The following SDK1 variants were observed in gnomAD, a reference collection of about 807,000 sequenced individuals.
SDK1 encodes the protein sidekick cell adhesion molecule 1, also known as protein sidekick-1.
In SDK1, 157 loss-of-function variants were observed where a neutral mutation model predicts 245.5. The observed-to-expected ratio is 0.64, with a 90% CI of 0.56 to 0.73. The LOEUF is 0.73. Ranked by LOEUF, SDK1 falls within the 30% of genes least tolerant of loss-of-function variation. The pLI is 0.00. For missense variants in SDK1, 3,583 were observed against 3,002.3 expected (o/e 1.19, Z -4.52); for synonymous variants, 1,647 against 1,278.5 (o/e 1.29, Z -6.15).
rs1300194675 is a variant in SDK1, at chr7:4,011,118, G to T, written c.2279+5G>T. 3 of 1,613,100 alleles carry T rather than the reference G, an allele frequency of 1.9e-6. No individual in the cohort carries two copies. The highest frequency in any genetic ancestry group is 1.3e-5 in the African/African-American group (1 of 75,052). The stretch of plus-strand genomic sequence containing the variant: ...GTACAGCGCCGAGACAAGCAGGTGC[G>T]TGAATCCCGCCCCAGGTGGGGGTGT... On this transcript the variant is annotated splice_donor_5th_base_variant and intron_variant, in intron 15 of 44. Coordinates refer to ENST00000404826, the MANE Select transcript of SDK1 (RefSeq NM_152744.4).
At chr7:3,629,563 T>C (rs889100103) in intron 2 of SDK1, among the ~76,000 whole-genome samples, 1 of 152,204 alleles carries the variant, frequency 6.6e-6, no homozygotes, top group African/African-American at 2.4e-5. Flanking sequence ...TCAGATAGCC[T>C]GCACAGAGGT....
chr7:3,897,010 A>G (rs1300555679), intron 5 of SDK1, among the ~76,000 whole-genome samples: 2 of 152,096 alleles, frequency 1.3e-5, no homozygotes, highest in Non-Finnish European at 2.9e-5. Flanking sequence ...GCATCAGGAG[A>G]GAGAGAGCAG....
intron 44 of SDK1, among the ~76,000 whole-genome samples, chr7:4,254,143 T>C (rs1215243119): frequency 6.6e-6 from 1 of 152,152 alleles, no homozygotes. Flanking sequence ...TAATGATTTT[T>C]ATCAAATTTG....
chr7:3,432,467 A>G (rs1779882102), intron 1 of SDK1, among the ~76,000 whole-genome samples: 1 of 152,170 alleles, frequency 6.6e-6, no homozygotes. Context: ...CTAAAAGCTA[A>G]CATGTAAACA....
intron 5 of SDK1, among the ~76,000 whole-genome samples, chr7:3,909,796 G>T (rs1779097707): frequency 6.6e-6 from 1 of 152,202 alleles, no homozygotes; most frequent in Non-Finnish European, 1.5e-5. Flanking sequence ...TGCATAGCGT[G>T]CTTGCCTAAA....
At chr7:3,866,864 C>T (rs1309656879) in intron 5 of SDK1, among the ~76,000 whole-genome samples, 2 of 152,138 alleles carry the variant, frequency 1.3e-5, no homozygotes, top group East Asian at 3.9e-4. Context: ...AGAGTTTGAC[C>T]TTGAACCCAT....
chr7:3,771,230 G>A (rs558646187), intron 4 of SDK1, among the ~76,000 whole-genome samples: 86 of 152,200 alleles, frequency 5.7e-4, no homozygotes, highest in African/African-American at 2.0e-3. Context: ...CATGATGGTT[G>A]CAGGGATCCA....
chr7:3,458,440 G>A lies in SDK1; in HGVS notation c.298+156556G>A, dbSNP rs112929469. On this transcript the variant is annotated intron_variant, in intron 1 of 44. Coordinates refer to ENST00000404826, the MANE Select transcript of SDK1 (RefSeq NM_152744.4). The stretch of plus-strand genomic sequence containing the variant: ...ATAAATGAACTCCTTCTATGTGGCT[G>A]TTAAGTCTCCTGGATTTATCTTCAA... 1.8e-3 allele frequency among the ~76,000 whole-genome samples: 278 copies of A among 152,060 alleles called. 1 individual carries two copies. The highest frequency in any genetic ancestry group is 6.3e-3 in the African/African-American group (263 of 41,502).
intron 1 of SDK1, among the ~76,000 whole-genome samples, chr7:3,447,248 A>G (rs558831418): frequency 3.9e-5 from 6 of 152,316 alleles, no homozygotes; most frequent in Non-Finnish European, 8.8e-5. Flanking sequence ...CAAAAGTAAA[A>G]TAACTTAATA....
intron 5 of SDK1, among the ~76,000 whole-genome samples, chr7:3,935,246 C>T (rs964747058): frequency 2.0e-5 from 3 of 152,080 alleles, no homozygotes; most frequent in East Asian, 1.9e-4. Context: ...CACCTGACAC[C>T]GTGTACAAAG....
chr7:3,678,504 T>A (rs750971046), intron 4 of SDK1, among the ~76,000 whole-genome samples: 1 of 152,222 alleles, frequency 6.6e-6, no homozygotes, highest in South Asian at 2.1e-4. Flanking sequence ...TCATTCACTA[T>A]GCTAAGTGAA....
chr7:4,170,587 C>T (rs746094194), intron 32 of SDK1, among the ~76,000 whole-genome samples: 7 of 152,184 alleles, frequency 4.6e-5, no homozygotes, highest in Non-Finnish European at 7.3e-5. Context: ...ACGACACTGT[C>T]GGGAGCCAGA....
chr7:3,698,314 A>C (rs1275525909), intron 4 of SDK1, among the ~76,000 whole-genome samples: 1 of 152,186 alleles, frequency 6.6e-6, no homozygotes, highest in Admixed American at 6.5e-5. Context: ...TGTGGGGCCA[A>C]GGCTTGTGTC....
rs113814237 is a variant in SDK1, at chr7:4,158,287, A to C, written c.4626-161A>C. ...CCTAGGAAGTGATTGGGTCCGACCC[A>C]AGAACAGCCTCCTTGCTAAGCTGTC... On this transcript the variant is annotated intron_variant, in intron 30 of 44. Coordinates refer to ENST00000404826, the MANE Select transcript of SDK1 (RefSeq NM_152744.4). 6.0e-4 allele frequency among the ~76,000 whole-genome samples: 92 copies of C among 152,330 alleles called. 2 individuals are homozygous for C. Among genetic ancestry groups the C allele is most frequent in the African/African-American group, 2.1e-3 (87 of 41,580 alleles).
intron 1 of SDK1, among the ~76,000 whole-genome samples, chr7:3,510,146 T>C (rs1353017868): frequency 6.6e-6 from 1 of 152,178 alleles, no homozygotes; most frequent in African/African-American, 2.4e-5. Context: ...GTGTTCCCAG[T>C]GCCTGGACCT....
rs529323210 is a variant in SDK1 at position 4,264,898 on chromosome 7, G to A, written c.6382-226G>A. On this transcript the variant is annotated intron_variant, in intron 44 of 44. Coordinates refer to ENST00000404826, the MANE Select transcript of SDK1 (RefSeq NM_152744.4). ...AGAGTGAGGGGCTGGATGCAGCTGA[G>A]AAAATGCAGTGTCGGTCACACCTGG... is the stretch of plus-strand genomic sequence containing the variant. Among the ~76,000 whole-genome samples the A allele has an allele frequency of 1.0e-4, 15 of 149,666 alleles. 2 individuals are homozygous for A. The highest frequency in any genetic ancestry group is 3.7e-4 in the African/African-American group (15 of 40,664).
Position 4,025,142 on chromosome 7 carries a change from C to T in SDK1, c.2602+7790C>T, listed in dbSNP as rs57981062. ...TTCCATTCTGTTTCATTCTTTAAAA[C>T]AATGCTGCTGTGACCACGGAATTGA... On this transcript the variant is annotated intron_variant, in intron 17 of 44. Coordinates refer to ENST00000404826, the MANE Select transcript of SDK1 (RefSeq NM_152744.4). Among the ~76,000 whole-genome samples the T allele has an allele frequency of 4.8e-3, 737 of 152,264 alleles. 7 individuals carry two copies. The highest frequency in any genetic ancestry group is 0.017 in the African/African-American group (697 of 41,548).
intron 1 of SDK1, among the ~76,000 whole-genome samples, chr7:3,543,774 A>G (rs1402025392): frequency 6.6e-6 from 1 of 152,176 alleles, no homozygotes; most frequent in Non-Finnish European, 1.5e-5. Flanking sequence ...TATGTTGTGA[A>G]TTCCATTTTG....
At chr7:4,209,654 C>T (rs1364323645) in intron 37 of SDK1, among the ~76,000 whole-genome samples, 1 of 131,484 alleles carries the variant, frequency 7.6e-6, no homozygotes, top group Non-Finnish European at 1.7e-5. Context: ...AGAGCTCCGT[C>T]TCTCCGGCAA....
Sources: allele counts gnomAD v4.1 joint callset (sites outside exome capture counted in the v4.1 genomes callset), GRCh38; gene constraint gnomAD v4.1.1; transcripts MANE v1.5; gene names NCBI Gene and HGNC (gene_info 2026-07-23, HGNC 2026-07-21).